KIAA0232: variants seen among roughly 807,000 people sequenced by gnomAD.
KIAA0232 encodes the protein uncharacterized protein KIAA0232.
KIAA0232 carries 27 observed loss-of-function variants against 122.0 expected under a neutral mutation model. The ratio of observed to expected loss-of-function variants is 0.22; its 90% confidence interval spans 0.16 to 0.31. KIAA0232 has a LOEUF of 0.31. Ranked by LOEUF, KIAA0232 falls within the 10% of genes least tolerant of loss-of-function variation. The pLI is 1.00. For missense variants in KIAA0232, 1,551 were observed against 1,634.2 expected, an observed-to-expected ratio of 0.95 and a Z score of 0.88; for synonymous variants, 613 against 587.6, an observed-to-expected ratio of 1.04 and a Z score of -0.63.
At chr4:6,864,539 G>A (rs1721064103) in intron 7 of KIAA0232, among the ~76,000 whole-genome samples, 1 of 151,966 alleles carries the variant, frequency 6.6e-6, no homozygotes, top group Non-Finnish European at 1.5e-5. Flanking sequence ...AGGAGTTCAA[G>A]ACCAGCTTGG....
intron 3 of KIAA0232, 84 bp from the exon 4 acceptor site, chr4:6,841,983 T>C (rs1719687475): frequency 6.7e-7 from 1 of 1,500,132 alleles, no homozygotes; most frequent in Non-Finnish European, 9.0e-7. Flanking sequence ...AGGGGCCTTT[T>C]TGTGACTGAG....
chr4:6,880,705 T>G (rs1722025554), intron 9 of KIAA0232, 82 bp from the exon 10 acceptor site: 3 of 930,068 alleles, frequency 3.2e-6, no homozygotes, highest in Non-Finnish European at 3.0e-6. Context: ...TTATTATTTC[T>G]TCTTTGTATA....
chr4:6,871,360 G>C (rs1384285098), intron 7 of KIAA0232, among the ~76,000 whole-genome samples: 1 of 152,150 alleles, frequency 6.6e-6, no homozygotes, highest in Non-Finnish European at 1.5e-5. Context: ...CTTGAGCCCT[G>C]GAGGTGGAGG....
chr4:6,850,269 A>G (rs977248601), intron 4 of KIAA0232, among the ~76,000 whole-genome samples: 1 of 152,312 alleles, frequency 6.6e-6, no homozygotes, highest in African/African-American at 2.4e-5. Context: ...TGAAGAAGCC[A>G]GGTGTTGGGG....
chr4:6,881,668 G>A lies in KIAA0232; in HGVS notation c.*702G>A, dbSNP rs1722077781. 1.3e-5 allele frequency: 2 copies of A among 152,608 alleles called. No homozygotes were observed. Among genetic ancestry groups the A allele is most frequent in the Non-Finnish European group, 2.9e-5 (2 of 68,040 alleles). The allele number at this position is 152,608 out of a possible 1,614,324, so 9.5% of individuals were successfully genotyped here. On this transcript the variant is annotated 3_prime_UTR_variant, in exon 10 of 10. Coordinates refer to ENST00000307659, the MANE Select transcript of KIAA0232 (RefSeq NM_014743.3). Reference sequence around the variant, plus strand: ...GGTGTGGGGTCGTATGCGAGACACAGTGGGGTAAGGGTGCATACCCCACCC... The same window carrying A: ...GGTGTGGGGTCGTATGCGAGACACAATGGGGTAAGGGTGCATACCCCACCC...
intron 3 of KIAA0232, among the ~76,000 whole-genome samples, chr4:6,827,160 A>C (rs533228435): frequency 4.6e-5 from 7 of 152,240 alleles, no homozygotes; most frequent in Admixed American, 2.0e-4. Flanking sequence ...ACGCCAATGA[A>C]GAAGGTCAAA....
intron 6 of KIAA0232, 25 bp from the exon 7 acceptor site, chr4:6,860,876 T>C (rs1279358725): frequency 1.3e-6 from 2 of 1,590,872 alleles, no homozygotes. Flanking sequence ...TACTCGTGTT[T>C]TGAAGTCTTT....
At chr4:6,815,279 C>A (rs986238720) in intron 2 of KIAA0232, among the ~76,000 whole-genome samples, 5 of 152,102 alleles carry the variant, frequency 3.3e-5, no homozygotes, top group Admixed American at 2.6e-4. Context: ...AGTGCTGTGA[C>A]CATTAGAGGT....
chr4:6,843,175 A>C (rs528922836), intron 4 of KIAA0232, among the ~76,000 whole-genome samples: 20 of 152,304 alleles, frequency 1.3e-4, no homozygotes, highest in African/African-American at 4.6e-4. Context: ...TTCTTATTTT[A>C]TTATTCACTC....
At chr4:6,843,317 C>T (rs78175267) in intron 4 of KIAA0232, among the ~76,000 whole-genome samples, 3,055 of 152,274 alleles carry the variant, frequency 0.02, 77 homozygotes, top group Non-Finnish European at 0.025. Context: ...CCAGAAACTT[C>T]CTTCCTGGAC....
chr4:6,848,798 T>C (rs1720113599), intron 4 of KIAA0232, among the ~76,000 whole-genome samples: 1 of 152,222 alleles, frequency 6.6e-6, no homozygotes, highest in Non-Finnish European at 1.5e-5. Flanking sequence ...GAATACATTA[T>C]GTACATTGCA....
chr4:6,784,574 A>G (rs922333861), intron 1 of KIAA0232, among the ~76,000 whole-genome samples: 4 of 152,194 alleles, frequency 2.6e-5, no homozygotes, highest in African/African-American at 9.7e-5. Context: ...CCTATTTCCG[A>G]GAGTGTGCCT....
At position 6,824,672 on chromosome 4, in the gene KIAA0232, C is replaced by T; in HGVS notation, c.219C>T (p.Asp73=). The T allele has an allele frequency of 6.2e-7, 1 of 1,613,602 alleles. No individual in the cohort carries two copies. Among genetic ancestry groups the T allele is most frequent in the Non-Finnish European group, 8.5e-7 (1 of 1,179,502 alleles). Residue 73 remains aspartate (D), a synonymous_variant, in exon 3 of 10, where the codon GAC becomes GAT. Coordinates refer to ENST00000307659, the MANE Select transcript of KIAA0232 (RefSeq NM_014743.3). ...SLLLHDSYDY[D]LQEQENDIFL... Reference sequence around the variant, plus strand: ...TGCTGCATGACAGCTATGACTACGACCTGCAGGAACAGGTATTTACATATT... The same window carrying T: ...TGCTGCATGACAGCTATGACTACGATCTGCAGGAACAGGTATTTACATATT...
chr4:6,830,455 G>C (rs1577379712), intron 3 of KIAA0232, among the ~76,000 whole-genome samples: 1 of 144,124 alleles, frequency 6.9e-6, no homozygotes, highest in Non-Finnish European at 1.5e-5. Context: ...TGTTGCCCAG[G>C]CTAGAGTGCA....
At chr4:6,805,176 G>A (rs1168973043) in intron 2 of KIAA0232, among the ~76,000 whole-genome samples, 7 of 151,928 alleles carry the variant, frequency 4.6e-5, no homozygotes, top group Non-Finnish European at 2.9e-5. Context: ...ATCTTCCTAG[G>A]GTCCAGAAGA....
chr4:6,821,948 A>G (rs1305061948), intron 2 of KIAA0232, among the ~76,000 whole-genome samples: 1 of 152,092 alleles, frequency 6.6e-6, no homozygotes, highest in Non-Finnish European at 1.5e-5. Flanking sequence ...GTTTCCAGCA[A>G]GAAAACTGAG....
At chr4:6,824,052 A>C in intron 2 of KIAA0232, 133 bp from the exon 3 acceptor site, 1 of 372,452 alleles carries the variant, frequency 2.7e-6, no homozygotes, top group Admixed American at 4.1e-5. Context: ...TGATGGGGGG[A>C]AAAATCAGTG....
At chr4:6,878,064 G>C (rs1721845767) in intron 9 of KIAA0232, among the ~76,000 whole-genome samples, 1 of 152,146 alleles carries the variant, frequency 6.6e-6, no homozygotes, top group Non-Finnish European at 1.5e-5. Flanking sequence ...ATACTTAAAT[G>C]CTGATATGAA....
intron 3 of KIAA0232, among the ~76,000 whole-genome samples, chr4:6,831,928 A>T (rs1447267441): frequency 2.6e-5 from 4 of 152,184 alleles, no homozygotes; most frequent in African/African-American, 9.7e-5. Flanking sequence ...CCAGGAAGGA[A>T]GCAGCTGCAG....
Sources: allele counts gnomAD v4.1 joint callset (sites outside exome capture counted in the v4.1 genomes callset), GRCh38; gene constraint gnomAD v4.1.1; transcripts MANE v1.5; gene names NCBI Gene and HGNC (gene_info 2026-07-23, HGNC 2026-07-21).